The following CNTNAP5 variants were observed in gnomAD, a reference collection of about 807,000 sequenced individuals.
CNTNAP5 encodes the protein contactin associated protein family member 5, also known as contactin-associated protein-like 5.
Under a neutral mutation model 150.2 loss-of-function variants are expected in CNTNAP5, and 72 were observed. That is an observed-to-expected ratio of 0.48 (90% CI 0.40 to 0.58). CNTNAP5 has a LOEUF of 0.58. Among genes scored for constraint, CNTNAP5 ranks in the 20% least tolerant of loss-of-function variants. CNTNAP5 has a pLI of 0.00. For synonymous variants in CNTNAP5, 672 were observed against 619.8 expected, an observed-to-expected ratio of 1.08 and a Z score of -1.25; for missense variants, 1,636 against 1,626.2, an observed-to-expected ratio of 1.01 and a Z score of -0.10.
At chr2:124,476,694 T>C (rs1052048197) in intron 7 of CNTNAP5, among the ~76,000 whole-genome samples, 6 of 152,246 alleles carry the variant, frequency 3.9e-5, no homozygotes, top group African/African-American at 9.6e-5. Context: ...GAGTCCCAGA[T>C]TGATCTTCCC....
Position 124,332,538 on chromosome 2 carries a change from CAAAT to C in CNTNAP5, c.382-84901_382-84898del, listed in dbSNP as rs202202312. 4.6e-3 allele frequency among the ~76,000 whole-genome samples: 701 copies of C among 151,402 alleles called. 6 individuals are homozygous for C. The highest frequency in any genetic ancestry group is 0.016 in the African/African-American group (668 of 41,492). On this transcript the variant is annotated intron_variant, in intron 3 of 23. Coordinates refer to ENST00000682447, the MANE Select transcript of CNTNAP5 (RefSeq NM_001367498.1). ...TTTTATAAACTTAAGAAACCAAAAA[CAAAT>C]AAACATATGTTTAATAAGTAATGTT...
At chr2:124,792,505 T>G (rs2104635425) in intron 18 of CNTNAP5, among the ~76,000 whole-genome samples, 1 of 152,272 alleles carries the variant, frequency 6.6e-6, no homozygotes, top group Middle Eastern at 3.4e-3. Flanking sequence ...TTGTGTATTT[T>G]TTCTCTCTCT....
At chr2:124,888,752 ATGTC>A (rs1558814474) in intron 21 of CNTNAP5, among the ~76,000 whole-genome samples, 1 of 152,198 alleles carries the variant, frequency 6.6e-6, no homozygotes, top group Middle Eastern at 3.4e-3. Context: ...CTTTTAAGAA[ATGTC>A]TGATCATGTC....
At chr2:124,748,991 G>T (rs1331477472) in intron 14 of CNTNAP5, among the ~76,000 whole-genome samples, 5 of 152,148 alleles carry the variant, frequency 3.3e-5, no homozygotes, top group African/African-American at 9.7e-5. Flanking sequence ...TTGTAGCCTG[G>T]GTGGAGGCCA....
At chr2:124,669,520 G>A (rs1678766267) in intron 13 of CNTNAP5, among the ~76,000 whole-genome samples, 1 of 152,296 alleles carries the variant, frequency 6.6e-6, no homozygotes, top group East Asian at 1.9e-4. Flanking sequence ...CATCATCTAT[G>A]CATTCTTCTT....
At chr2:124,903,544 A>G (rs1485951255) in intron 22 of CNTNAP5, among the ~76,000 whole-genome samples, 1 of 152,148 alleles carries the variant, frequency 6.6e-6, no homozygotes, top group Non-Finnish European at 1.5e-5. Flanking sequence ...AAAATTATAT[A>G]TTTTCAAAGT....
chr2:124,053,603 C>A (rs1159779643), intron 1 of CNTNAP5, among the ~76,000 whole-genome samples: 1 of 152,138 alleles, frequency 6.6e-6, no homozygotes, highest in African/African-American at 2.4e-5. Flanking sequence ...AAAACCATGG[C>A]AATAACGTAT....
intron 1 of CNTNAP5, among the ~76,000 whole-genome samples, chr2:124,190,192 T>G (rs1685427026): frequency 6.6e-6 from 1 of 152,208 alleles, no homozygotes; most frequent in South Asian, 2.1e-4. Context: ...TGTATGTTAT[T>G]CAAAAGATTT....
intron 3 of CNTNAP5, among the ~76,000 whole-genome samples, chr2:124,272,424 A>G (rs2104614428): frequency 6.6e-6 from 1 of 152,314 alleles, no homozygotes; most frequent in East Asian, 1.9e-4. Context: ...ATTTTTATAC[A>G]GAATGTGCTT....
chr2:124,711,529 C>A (rs78878714), intron 13 of CNTNAP5, among the ~76,000 whole-genome samples: 24,693 of 152,042 alleles, frequency 0.16, 2,265 homozygotes, highest in East Asian at 0.24. Context: ...TAAGTAACAG[C>A]AAACAGGCAA....
At position 124,773,006 on chromosome 2, in the gene CNTNAP5, A is replaced by T. The variant is rs763023704; in HGVS notation, c.2741A>T (p.Gln914Leu). ...EGHFRLQLNS[Q>L]LFVGGTSSRQ... ...CATTTTCGACTGCAGCTGAACAGCC[A>T]GTTGTTTGTAGGTAGGGGACATCTT... Residue 914 changes from glutamine (Q) to leucine (L), a missense_variant, in exon 17 of 24, where the codon CAG (glutamine) becomes CTG (leucine). Coordinates refer to ENST00000682447, the MANE Select transcript of CNTNAP5 (RefSeq NM_001367498.1). 2 of 1,612,766 alleles carry T rather than the reference A, an allele frequency of 1.2e-6. No homozygotes were observed. The highest frequency in any genetic ancestry group is 1.7e-6 in the Non-Finnish European group (2 of 1,179,560).
At chr2:124,889,796 A>T (rs1182544264) in intron 21 of CNTNAP5, among the ~76,000 whole-genome samples, 1 of 151,412 alleles carries the variant, frequency 6.6e-6, no homozygotes, top group African/African-American at 2.4e-5. Flanking sequence ...TGGATCAGTG[A>T]TTTTTTTTTG....
intron 1 of CNTNAP5, among the ~76,000 whole-genome samples, chr2:124,149,190 T>C (rs186378171): frequency 6.6e-6 from 1 of 152,190 alleles, no homozygotes; most frequent in African/African-American, 2.4e-5. Flanking sequence ...GTTAGTCTGT[T>C]CATAGCCCTC....
intron 13 of CNTNAP5, among the ~76,000 whole-genome samples, chr2:124,734,360 C>A (rs1680337412): frequency 6.6e-6 from 1 of 151,918 alleles, no homozygotes; most frequent in Non-Finnish European, 1.5e-5. Flanking sequence ...GGAATTGGGA[C>A]CTAGTGACTT....
intron 2 of CNTNAP5, among the ~76,000 whole-genome samples, chr2:124,233,858 G>A (rs1216316751): frequency 6.6e-6 from 1 of 151,544 alleles, no homozygotes. Flanking sequence ...TAGAAGTAGG[G>A]AAATCACTTA....
At chr2:124,496,395 TTGGA>T (rs1263759459) in intron 7 of CNTNAP5, among the ~76,000 whole-genome samples, 1 of 152,146 alleles carries the variant, frequency 6.6e-6, no homozygotes, top group Non-Finnish European at 1.5e-5. Context: ...GCAAATTAGA[TTGGA>T]TGAAGATCAT....
intron 3 of CNTNAP5, among the ~76,000 whole-genome samples, chr2:124,392,854 T>A (rs1160522566): frequency 1.3e-5 from 2 of 152,002 alleles, no homozygotes; most frequent in Non-Finnish European, 2.9e-5. Context: ...AATTAAGGAA[T>A]TATAAAGAAG....
In CNTNAP5 at chr2:124,823,527, C is replaced by G. The variant is rs187669858; in HGVS notation, c.3217+25207C>G. Reference sequence around the variant, plus strand: ...GTTTAACCTTGATTTTATTGCAAACCAGCCATGACACATTCTACTAATCAG... The same window carrying G: ...GTTTAACCTTGATTTTATTGCAAACGAGCCATGACACATTCTACTAATCAG... On this transcript the variant is annotated intron_variant, in intron 19 of 23. Transcript: ENST00000682447. Among the ~76,000 whole-genome samples, 76 of 152,244 alleles carry G rather than the reference C, an allele frequency of 5.0e-4. 1 individual carries two copies. Among genetic ancestry groups the G allele is most frequent in the African/African-American group, 1.8e-3 (73 of 41,552 alleles).
chr2:124,086,188 CTTTTTTTTTTTTTTT>C (rs57849633), intron 1 of CNTNAP5, among the ~76,000 whole-genome samples: 1,009 of 82,050 alleles, frequency 0.012, 16 homozygotes, highest in African/African-American at 0.049. Context: ...GGTGTACACA[CTTTTTTTTTTTTTTT>C]TTTTTTTTTT....
Sources: allele counts gnomAD v4.1 joint callset (sites outside exome capture counted in the v4.1 genomes callset), GRCh38; gene constraint gnomAD v4.1.1; transcripts MANE v1.5; gene names NCBI Gene and HGNC (gene_info 2026-07-23, HGNC 2026-07-21).